Variants in FAS observed in about 807,000 individuals in gnomAD.
FAS encodes tumor necrosis factor receptor superfamily member 6.
A neutral mutation model predicts 33.2 loss-of-function variants in FAS; 5 were observed. The observed-to-expected ratio is 0.15, with a 90% CI of 0.08 to 0.32. The LOEUF (loss-of-function observed/expected upper bound fraction) is 0.32. FAS is among the 10% of genes least tolerant of loss of function. The probability of loss-of-function intolerance (pLI) is 1.00; values close to 1 mark genes in which losing one functional copy is unlikely to be tolerated. For synonymous variants in FAS, 131 were observed against 130.7 expected (o/e 1.00, Z -0.01); for missense variants, 339 against 386.0 (o/e 0.88, Z 1.02).
chr10:88,997,289 T>C (rs904570136), intron 1 of FAS, among the ~76,000 whole-genome samples: 5 of 152,146 alleles, frequency 3.3e-5, no homozygotes, highest in Non-Finnish European at 7.3e-5. Context: ...AGGATTCTGA[T>C]GTCTGTCGGG....
chr10:88,996,692 A>G (rs1160321681), intron 1 of FAS, among the ~76,000 whole-genome samples: 4 of 152,232 alleles, frequency 2.6e-5, no homozygotes, highest in Admixed American at 1.3e-4. Flanking sequence ...AAATATGTAC[A>G]TAATTATCTT....
intron 1 of FAS, among the ~76,000 whole-genome samples, chr10:88,999,151 T>TGA (rs1564680722): frequency 1.1e-5 from 1 of 90,910 alleles, no homozygotes; most frequent in Non-Finnish European, 2.6e-5. Flanking sequence ...AGACTCCGTC[T>TGA]CAAAAAAATA....
chr10:88,995,043 G>T (rs1847501763), intron 1 of FAS, among the ~76,000 whole-genome samples: 1 of 151,624 alleles, frequency 6.6e-6, no homozygotes, highest in Admixed American at 6.6e-5. Context: ...TCCTTATAAG[G>T]TACAACACTA....
chr10:88,999,165 A>G (rs916102160), intron 1 of FAS, among the ~76,000 whole-genome samples: 1 of 100,488 alleles, frequency 1.0e-5, no homozygotes, highest in Admixed American at 9.6e-5. Flanking sequence ...AAAAATAAAT[A>G]AATAAATAAA....
chr10:88,979,112 A>C (rs1041797089), intron 2 of FAS, among the ~76,000 whole-genome samples: 21 of 152,122 alleles, frequency 1.4e-4, no homozygotes, highest in Admixed American at 7.2e-4. Flanking sequence ...AAACACTGAA[A>C]ACAAAATGGA....
upstream of FAS, chr10:88,989,495 G>A (rs760769743): frequency 3.7e-6 from 2 of 544,006 alleles, no homozygotes; most frequent in South Asian, 1.4e-5. Context: ...CACAAGGCTG[G>A]CACGCCCAGG....
chr10:88,996,963 A>T (rs1847637028), intron 1 of FAS, among the ~76,000 whole-genome samples: 1 of 152,182 alleles, frequency 6.6e-6, no homozygotes, highest in Non-Finnish European at 1.5e-5. Flanking sequence ...TAGCCCTTAC[A>T]TTACCCATTT....
intron 1 of FAS, among the ~76,000 whole-genome samples, chr10:89,000,944 G>A (rs561614165): frequency 2.4e-4 from 36 of 152,350 alleles, no homozygotes; most frequent in African/African-American, 8.2e-4. Flanking sequence ...TACTCGGGAG[G>A]CTGAGGCAGG....
Position 89,015,903 on chromosome 10 carries a change from C to T in FAS, c.*1453C>T, listed in dbSNP as rs1848787836. 6.2e-6 allele frequency: 2 copies of T among 323,208 alleles called. No individual in the cohort carries two copies. The highest frequency in any genetic ancestry group is 1.2e-5 in the Non-Finnish European group (2 of 171,206). 20.0% of individuals were successfully genotyped at this position (323,208 alleles called of 1,614,324 possible). On this transcript the variant is annotated 3_prime_UTR_variant, in exon 9 of 9. Transcript: ENST00000652046. ...TCTTGGATCCCTTAGAAGGTACTTC[C>T]TTTTTAACCTTAACCCTTTTAGTAG... is the stretch of plus-strand genomic sequence containing the variant.
intron 8 of FAS, 123 bp from the exon 9 acceptor site, chr10:89,013,996 C>A: frequency 1.0e-6 from 1 of 1,002,810 alleles, no homozygotes; most frequent in East Asian, 2.6e-5. Context: ...CTAGTCAGCT[C>A]TTCATAGACC....
chr10:88,996,621 AATG>A lies in FAS; in HGVS notation c.30+5718_30+5720del, dbSNP rs1005915457. Among the ~76,000 whole-genome samples, 9 of 152,342 alleles carry A rather than the reference AATG, an allele frequency of 5.9e-5. No individual in the cohort carries two copies. The South Asian group carries it at 1.2e-3, about 21-fold the overall frequency. On this transcript the variant is annotated intron_variant, in intron 1 of 8. Transcript: ENST00000652046. ...TTCTCGCCACACACACACAAAAGAA[AATG>A]ATAAGTATGTGAAGGAATGCCCAAT... is the stretch of plus-strand genomic sequence containing the variant.
intron 2 of FAS, among the ~76,000 whole-genome samples, chr10:89,007,394 G>A (rs557785038): frequency 6.6e-6 from 1 of 152,186 alleles, no homozygotes; most frequent in South Asian, 2.1e-4. Flanking sequence ...GTTAGTTCTT[G>A]GCAAAGGCAT....
chr10:88,966,752 T>C (rs1430089926), intron 1 of FAS, among the ~76,000 whole-genome samples: 1 of 152,198 alleles, frequency 6.6e-6, no homozygotes, highest in African/African-American at 2.4e-5. Context: ...TCAGGGCTCC[T>C]GAGCAGGTCA....
At chr10:88,994,417 A>G (rs141618018) in intron 1 of FAS, among the ~76,000 whole-genome samples, 67 of 152,380 alleles carry the variant, frequency 4.4e-4, no homozygotes, top group African/African-American at 1.4e-3. Flanking sequence ...CTTATGATGA[A>G]AAATAAAATA....
Position 89,003,143 on chromosome 10 carries a change from T to A in FAS, c.145T>A (p.Leu49Met). 6.2e-7 allele frequency: 1 copy of A among 1,614,180 alleles called. No individual in the cohort carries two copies. Among genetic ancestry groups the A allele is most frequent in the East Asian group, 2.2e-5 (1 of 44,886 alleles). Residue 49 changes from leucine to methionine, a missense_variant, in exon 2 of 9, where the codon TTG (leucine) becomes ATG (methionine). Leu to Met is a conservative substitution (Grantham distance 15, BLOSUM62 2). Transcript: ENST00000652046. ...TGTTACTACAGTTGAGACTCAGAAC[T>A]TGGAAGGCCTGCATCATGATGGCCA... ...KTVTTVETQN[L>M]EGLHHDGQFC...
At chr10:88,973,297 C>G (rs1173336735) in exon 2 of FAS, 3 of 1,611,242 alleles carry the variant, frequency 1.9e-6, no homozygotes, top group Non-Finnish European at 2.5e-6. Flanking sequence ...TCATCATCAC[C>G]ATCTGAACAG....
Position 89,008,923 on chromosome 10 carries a change from G to C in FAS, c.369G>C (p.Gln123His). Reference protein sequence around the residue: ...LEVEINCTRTQNTKCRCKPNF... With the variant: ...LEVEINCTRTHNTKCRCKPNF... ...TGGAAATAAACTGCACCCGGACCCA[G>C]AATACCAAGTGCAGATGTAAACCAA... is the stretch of plus-strand genomic sequence containing the variant. The change falls in exon 4 of 9, where the codon CAG becomes CAC. Residue 123 changes from glutamine to histidine, a missense_variant. By Grantham distance (24) the Gln-to-His change is conservative. Around this residue, in one of 3 missense-constraint regions of FAS, gnomAD observed 276 missense variants for 300.1 expected, o/e 0.92. Coordinates refer to ENST00000652046, the MANE Select transcript of FAS (RefSeq NM_000043.6). The C allele has an allele frequency of 6.2e-7, 1 of 1,614,022 alleles. No individual in the cohort carries two copies. Among genetic ancestry groups the C allele is most frequent in the Non-Finnish European group, 8.5e-7 (1 of 1,179,896 alleles).
Position 89,013,365 on chromosome 10 carries a change from C to G in FAS, c.674C>G (p.Ser225Cys), listed in dbSNP as rs1848626473. The part of the protein sequence containing the change: ...LNPETVAINL[S>C]DVDLSKYITT... The stretch of plus-strand genomic sequence containing the variant: ...TAGGAAACAGTGGCAATAAATTTAT[C>G]TGGTAAGGCTTTTATCATTTTATTT... Residue 225 changes from serine (S) to cysteine (C), a missense_variant and splice_region_variant, in exon 8 of 9, where the codon TCT becomes TGT. By Grantham distance (112) the Ser-to-Cys change is moderately radical (BLOSUM62 -1). Around this residue, in one of 3 missense-constraint regions of FAS, gnomAD observed 276 missense variants for 300.1 expected, o/e 0.92. Transcript: ENST00000652046. 2 of 1,611,522 alleles carry G rather than the reference C, an allele frequency of 1.2e-6. No homozygotes were observed. The highest frequency in any genetic ancestry group is 3.3e-5 in the Admixed American group (2 of 59,960).
intron 1 of FAS, among the ~76,000 whole-genome samples, chr10:88,970,778 T>C (rs1210367488): frequency 1.3e-5 from 2 of 151,938 alleles, no homozygotes; most frequent in Non-Finnish European, 2.9e-5. Flanking sequence ...AAATGACAAG[T>C]TAATGGGTAC....
Sources: gnomAD v4.1 joint callset for allele counts (sites outside exome capture counted in the v4.1 genomes callset) on GRCh38, gnomAD v4.1.1 for gene constraint, gnomAD v4.1.1 regional missense constraint, MANE v1.5 for transcripts, NCBI Gene and HGNC (gene_info 2026-07-23, HGNC 2026-07-21) for gene names.